ZAN: variants seen among roughly 807,000 people sequenced by gnomAD.
The protein encoded by ZAN is zonadhesin, also known as zonadhesin (gene/pseudogene).
In ZAN, 260 loss-of-function variants were observed where a neutral mutation model predicts 286.2. The ratio of observed to expected loss-of-function variants is 0.91; its 90% CI spans 0.82 to 1.01. The LOEUF (loss-of-function observed/expected upper bound fraction) is 1.01. ZAN is among the 50% of genes least tolerant of loss of function. The probability of loss-of-function intolerance (pLI) is 0.00; values close to 1 mark genes in which losing one functional copy is unlikely to be tolerated. For synonymous variants in ZAN, 1,368 were observed against 1,417.5 expected (o/e 0.97, Z 0.79); for missense variants, 3,410 against 3,639.2 (o/e 0.94, Z 1.62).
intron 25 of ZAN, among the ~76,000 whole-genome samples, 195 bp from the exon 26 acceptor site, chr7:100,767,636 G>A (rs867641833): frequency 1.3e-5 from 2 of 150,734 alleles, no homozygotes; most frequent in African/African-American, 2.4e-5. Context: ...CCACCTGCAC[G>A]GCTAATTTTT....
chr7:100,776,437 C>A lies in ZAN; in HGVS notation c.6193-3C>A. The A allele has an allele frequency of 6.2e-7, 1 of 1,604,732 alleles. No individual in the cohort carries two copies. On this transcript the variant is annotated splice_region_variant and splice_polypyrimidine_tract_variant and intron_variant, in intron 33 of 47. Transcript: ENST00000613979. Reference sequence around the variant, plus strand: ...GCACCGAAAAACCACTCTCCCCCGCCAGGTCTGCGGCATGTGTGGGAACTT... The same window carrying A: ...GCACCGAAAAACCACTCTCCCCCGCAAGGTCTGCGGCATGTGTGGGAACTT...
At chr7:100,797,249 A>T in intron 45 of ZAN, 117 bp from the exon 46 acceptor site, 1 of 909,408 alleles carries the variant, frequency 1.1e-6, no homozygotes, top group Non-Finnish European at 1.7e-6. Flanking sequence ...ACACACCTAG[A>T]GATTTAGAGA....
At chr7:100,789,400 G>A (rs569044043) in intron 39 of ZAN, 53 bp downstream of exon 39, 7 of 1,598,956 alleles carry the variant, frequency 4.4e-6, no homozygotes, top group Non-Finnish European at 5.1e-6. Context: ...GGAAGTGGGA[G>A]GGAAAATCCT....
chr7:100,782,192 C>CT (rs35837366), intron 35 of ZAN, among the ~76,000 whole-genome samples: 64,847 of 143,966 alleles, frequency 0.45, 15,132 homozygotes, highest in Middle Eastern at 0.68. Context: ...CATCTTTTGA[C>CT]TTTTTTTTTT....
intron 31 of ZAN, among the ~76,000 whole-genome samples, chr7:100,774,476 G>A (rs1054634947): frequency 2.6e-5 from 4 of 152,078 alleles, no homozygotes; most frequent in Non-Finnish European, 4.4e-5. Context: ...TTCAAGACCA[G>A]CCTGGGCAAC....
At position 100,767,479 on chromosome 7, in the gene ZAN, T is replaced by G. The variant is rs1316197167; in HGVS notation, c.4860+222T>G. On this transcript the variant is annotated intron_variant, in intron 25 of 47. Coordinates refer to ENST00000613979, the MANE Select transcript of ZAN (RefSeq NM_003386.3). The stretch of plus-strand genomic sequence containing the variant: ...CCAGTTTTTTGCCGTTTTTTTTTTT[T>G]TTTTTTTTTTTTTTGAGACAGGGTC... Among the ~76,000 whole-genome samples the G allele has an allele frequency of 3.5e-5, 5 of 141,384 alleles. No individual in the cohort carries two copies. In the South Asian group the frequency reaches 1.2e-3, roughly 34 times the overall value. The allele number at this position is 141,384 out of a possible 152,430, so 92.8% of individuals were successfully genotyped here. A position where few individuals can be genotyped will look rare whatever the true frequency, so the allele number is the denominator to read the frequency against.
chr7:100,769,953 G>A lies in ZAN; in HGVS notation c.5227G>A (p.Ala1743Thr). Residue 1743 changes from alanine (A) to threonine (T), a missense_variant, in exon 28 of 48, where the codon GCG (alanine) becomes ACG (threonine). Ala to Thr is a moderately conservative substitution (Grantham distance 58). Around this residue, in one of 7 missense-constraint regions of ZAN, gnomAD observed 1,042 missense variants for 1,058.0 expected, o/e 0.98. Coordinates refer to ENST00000613979, the MANE Select transcript of ZAN (RefSeq NM_003386.3). The stretch of plus-strand genomic sequence containing the variant: ...GGCAGACGCCTGGAACAAGAACTGT[G>A]CGATCTTAATAAACCCTCAGGGTAA... The part of the protein sequence containing the change: ...SMADAWNKNC[A>T]ILINPQGPFS... 2 of 1,565,922 alleles carry A rather than the reference G, an allele frequency of 1.3e-6. No individual in the cohort carries two copies. Among genetic ancestry groups the A allele is most frequent in the Non-Finnish European group, 1.7e-6 (2 of 1,154,794 alleles).
At chr7:100,783,821 T>TATATATAC (rs1811382589) in intron 35 of ZAN, among the ~76,000 whole-genome samples, 3 of 116,370 alleles carry the variant, frequency 2.6e-5, no homozygotes, top group African/African-American at 9.8e-5. Flanking sequence ...TATATACATA[T>TATATATAC]ATATATATGT....
At position 100,763,959 on chromosome 7, in the gene ZAN, G is replaced by T. The variant is rs1436260950; in HGVS notation, c.4097+43G>T. 2 of 1,529,468 alleles carry T rather than the reference G, an allele frequency of 1.3e-6. No homozygotes were observed. The highest frequency in any genetic ancestry group is 2.3e-5 in the South Asian group (2 of 87,304). The allele number at this position is 1,529,468 out of a possible 1,614,324, so 94.7% of individuals were successfully genotyped here. On this transcript the variant is annotated intron_variant, in intron 21 of 47. Transcript: ENST00000613979. This position sits in a 1 kb window ranked among gnomAD's most constrained non-coding sequence, Gnocchi z 4.6. The stretch of plus-strand genomic sequence containing the variant: ...CAGGGTCGCACAGGGGCGATGCTTG[G>T]CACCTGGGCTCCTCCAAGGCTCTAC...
At chr7:100,767,467 GTTTTTTTTTTTTT>G (rs35803818) in intron 25 of ZAN, among the ~76,000 whole-genome samples, 2 of 77,972 alleles carry the variant, frequency 2.6e-5, no homozygotes, top group African/African-American at 4.9e-5. Flanking sequence ...GTTTTTTGCC[GTTTTTTTTTTTTT>G]TTTTTTTTTT....
chr7:100,783,783 T>TATATATATATATATATATATATAC (rs377402352), intron 35 of ZAN, among the ~76,000 whole-genome samples: 1 of 20,488 alleles, frequency 4.9e-5, no homozygotes, highest in African/African-American at 1.4e-4. Context: ...TATATATATA[T>TATATATATATATATATATATATAC]ACACATATAT....
rs745718975 is a variant in ZAN, at chr7:100,753,045, G to GGAAAAACCCACCATCCCCACA, written c.2955_2975dup (p.Pro990_Lys996dup). The GGAAAAACCCACCATCCCCACA allele has an allele frequency of 8.8e-6, 14 of 1,585,790 alleles. No homozygotes were observed. In the African/African-American group the frequency reaches 9.9e-5, roughly 11 times the overall value. On this transcript the variant is annotated inframe_insertion, in exon 14 of 48. Transcript: ENST00000613979. ...CCACGGAAAAACTTACCATCCCCAC[G>GGAAAAACCCACCATCCCCACA]GAAAAACCCACCATCCCCACAGAAA...
In ZAN at chr7:100,767,699, G is replaced by A. The variant is rs774851041; in HGVS notation, c.4861-132G>A. ...TCTCCATGTTGCCCAGGCTGATCTC[G>A]AGATCCTGGGCTCAAGCGATCCTCC... is the stretch of plus-strand genomic sequence containing the variant. On this transcript the variant is annotated intron_variant, in intron 25 of 47. Coordinates refer to ENST00000613979, the MANE Select transcript of ZAN (RefSeq NM_003386.3). 51 of 1,033,852 alleles carry A rather than the reference G, an allele frequency of 4.9e-5. 1 individual carries two copies. In the South Asian group the frequency reaches 8.1e-4, roughly 16 times the overall value. 64.0% of individuals were successfully genotyped at this position (1,033,852 alleles called of 1,614,324 possible). A position where few individuals can be genotyped will look rare whatever the true frequency, so the allele number is the denominator to read the frequency against.
At chr7:100,781,012 C>T (rs314305) in intron 35 of ZAN, among the ~76,000 whole-genome samples, 68,954 of 151,908 alleles carry the variant, frequency 0.45, 16,464 homozygotes, top group Middle Eastern at 0.7. Flanking sequence ...TGAAAAACAA[C>T]GTCTTATTAT....
At position 100,734,150 on chromosome 7, in the gene ZAN, G is replaced by GC; in HGVS notation, c.-18dup. 1 of 1,445,140 alleles carries GC rather than the reference G, an allele frequency of 6.9e-7. No homozygotes were observed. Among genetic ancestry groups the GC allele is most frequent in the Non-Finnish European group, 9.4e-7 (1 of 1,061,590 alleles). The allele number at this position is 1,445,140 out of a possible 1,614,324, so 89.5% of individuals were successfully genotyped here. ...TGTGCCCTTCCCCTCTCCCCTGGGA[G>GC]CAACCACTTAGGGTCCTCATGGTTC... On this transcript the variant is annotated 5_prime_UTR_variant, in exon 2 of 48. Coordinates refer to ENST00000613979, the MANE Select transcript of ZAN (RefSeq NM_003386.3).
chr7:100,754,889 G>A (rs1488272586), intron 14 of ZAN, among the ~76,000 whole-genome samples: 3 of 152,102 alleles, frequency 2.0e-5, no homozygotes, highest in African/African-American at 4.8e-5. Flanking sequence ...TGATCTGTCC[G>A]CCTCGGTTTA....
In ZAN at chr7:100,797,423, T is replaced by C; in HGVS notation, c.8324T>C (p.Leu2775Pro). Residue 2775 changes from leucine (L) to proline (P), a missense_variant, in exon 46 of 48, where the codon CTG (leucine) becomes CCG (proline). Physicochemically the swap from Leu to Pro is moderately conservative, Grantham distance 98 (BLOSUM62 -3). Transcript: ENST00000613979. ...GLLVPVVVVLLAVTRECIYRT... is the reference protein window; with the variant it reads ...GLLVPVVVVLPAVTRECIYRT... ...CTGGTGCCTGTGGTGGTCGTACTAC[T>C]GGCCGTGACCAGAGAGTGCATTTAC... The C allele has an allele frequency of 1.9e-6, 3 of 1,613,470 alleles. No individual in the cohort carries two copies. Among genetic ancestry groups the C allele is most frequent in the Non-Finnish European group, 1.7e-6 (2 of 1,179,750 alleles).
chr7:100,759,913 C>T (rs1809432065), intron 18 of ZAN, 68 bp downstream of exon 18: 2 of 1,548,344 alleles, frequency 1.3e-6, no homozygotes, highest in African/African-American at 1.4e-5. Flanking sequence ...CCCTTCCAAT[C>T]CCTGAACCTT....
chr7:100,765,415 A>T lies in ZAN; in HGVS notation c.4331A>T (p.His1444Leu). Residue 1444 changes from histidine (H) to leucine (L), a missense_variant, in exon 23 of 48, where the codon CAT becomes CTT. Coordinates refer to ENST00000613979, the MANE Select transcript of ZAN (RefSeq NM_003386.3). ...GCGAAGCCATGCCCTGACACCTGCC[A>T]TTCAGGATTCTCCGGCATGTTCTGC... ...LCAKPCPDTC[H>L]SGFSGMFCSD... 6.2e-7 allele frequency: 1 copy of T among 1,613,922 alleles called. No homozygotes were observed. The highest frequency in any genetic ancestry group is 8.5e-7 in the Non-Finnish European group (1 of 1,179,866).
Sources: gnomAD v4.1 joint callset for allele counts (sites outside exome capture counted in the v4.1 genomes callset) on GRCh38, gnomAD v4.1.1 for gene constraint, gnomAD v4.1.1 regional missense constraint, Gnocchi (gnomAD v3.1) non-coding constraint, MANE v1.5 for transcripts, NCBI Gene and HGNC (gene_info 2026-07-23, HGNC 2026-07-21) for gene names.